SKIL: variants seen among roughly 807,000 people sequenced by gnomAD.
SKIL encodes ski-like protein.
Under a neutral mutation model 69.6 loss-of-function variants are expected in SKIL, and 20 were observed. The ratio of observed to expected loss-of-function variants is 0.29; its 90% CI spans 0.20 to 0.42. SKIL has a LOEUF of 0.42. Among genes scored for constraint, SKIL ranks in the 10% least tolerant of loss-of-function variants. The probability of loss-of-function intolerance (pLI) is 1.00; values close to 1 mark genes in which losing one functional copy is unlikely to be tolerated. For missense variants in SKIL, 745 were observed against 783.1 expected (o/e 0.95, Z 0.58); for synonymous variants, 310 against 279.9 (o/e 1.11, Z -1.08).
Position 170,367,463 on chromosome 3 carries a change from CTT to C in SKIL, c.1098+6048_1098+6049del, listed in dbSNP as rs34321865. ...TACTAAGTTAAGAACTATATATACC[CTT>C]TTTTTTTTTTTTTAAATTGAGATGG... On this transcript the variant is annotated intron_variant, in intron 2 of 6. Transcript: ENST00000259119. Among the ~76,000 whole-genome samples the C allele has an allele frequency of 2.8e-4, 19 of 68,598 alleles. 1 individual carries two copies. Among genetic ancestry groups the C allele is most frequent in the Admixed American group, 9.4e-4 (5 of 5,312 alleles). The allele number at this position is 68,598 out of a possible 152,430, so 45.0% of individuals were successfully genotyped here.
At chr3:170,390,751 AT>A (rs1236253911) in intron 5 of SKIL, among the ~76,000 whole-genome samples, 1 of 152,232 alleles carries the variant, frequency 6.6e-6, no homozygotes, top group African/African-American at 2.4e-5. Context: ...AAGTGCTGGG[AT>A]TACAGGTGTG....
At chr3:170,385,958 A>G (rs1737608094) in intron 4 of SKIL, among the ~76,000 whole-genome samples, 1 of 151,116 alleles carries the variant, frequency 6.6e-6, no homozygotes. Context: ...ACACCCCGCT[A>G]ATTTTGTATT....
At chr3:170,378,372 A>C (rs1354110718) in intron 2 of SKIL, among the ~76,000 whole-genome samples, 1 of 152,176 alleles carries the variant, frequency 6.6e-6, no homozygotes, top group Non-Finnish European at 1.5e-5. Context: ...GATCTCAGTA[A>C]TCAAACCAGA....
intron 2 of SKIL, among the ~76,000 whole-genome samples, chr3:170,365,257 A>C (rs1405309481): frequency 6.6e-6 from 1 of 152,158 alleles, no homozygotes; most frequent in East Asian, 1.9e-4. Context: ...AAGTTTAGTA[A>C]TTTTTCACTA....
intron 4 of SKIL, among the ~76,000 whole-genome samples, chr3:170,388,391 G>T (rs962934731): frequency 1.3e-5 from 2 of 151,918 alleles, no homozygotes; most frequent in Admixed American, 6.6e-5. Context: ...ATATATTCTG[G>T]ATACTGGATC....
At chr3:170,383,304 T>C (rs1737455920) in intron 3 of SKIL, among the ~76,000 whole-genome samples, 1 of 152,204 alleles carries the variant, frequency 6.6e-6, no homozygotes, top group African/African-American at 2.4e-5. Flanking sequence ...TTTCTTGTCC[T>C]GTCAGAAAAC....
chr3:170,369,756 G>GC (rs1042714710), intron 2 of SKIL, among the ~76,000 whole-genome samples: 2 of 152,132 alleles, frequency 1.3e-5, no homozygotes, highest in African/African-American at 4.8e-5. Flanking sequence ...TGATTGTCGA[G>GC]CTAGAATTCA....
At chr3:170,381,938 C>T (rs1307037475) in intron 3 of SKIL, among the ~76,000 whole-genome samples, 4 of 151,636 alleles carry the variant, frequency 2.6e-5, no homozygotes, top group Non-Finnish European at 4.4e-5. Flanking sequence ...AAAAATTAGC[C>T]GGGCCTGGTG....
chr3:170,360,267 T>C lies in SKIL; in HGVS notation c.-65T>C. The C allele has an allele frequency of 6.9e-7, 1 of 1,443,516 alleles. No individual in the cohort carries two copies. The highest frequency in any genetic ancestry group is 1.4e-5 in the South Asian group (1 of 70,030). The allele number at this position is 1,443,516 out of a possible 1,614,324, so 89.4% of individuals were successfully genotyped here. A position where few individuals can be genotyped will look rare whatever the true frequency, so the allele number is the denominator to read the frequency against. On this transcript the variant is annotated 5_prime_UTR_variant, in exon 2 of 7. Transcript: ENST00000259119. ...TTGTATCCATTCATTACTTTCCTCT[T>C]TTCAAATAAGCAACTAAATAGAAAT...
At chr3:170,385,896 G>C (rs1179581560) in intron 4 of SKIL, among the ~76,000 whole-genome samples, 16 of 151,124 alleles carry the variant, frequency 1.1e-4, no homozygotes. Flanking sequence ...CCACCTCCCA[G>C]ATTCTCCTGC....
chr3:170,383,414 C>G (rs1385261246), intron 3 of SKIL, among the ~76,000 whole-genome samples: 1 of 152,148 alleles, frequency 6.6e-6, no homozygotes, highest in Non-Finnish European at 1.5e-5. Flanking sequence ...GTCTGGAGTT[C>G]AGGGGATAGA....
intron 6 of SKIL, among the ~76,000 whole-genome samples, chr3:170,391,674 A>G (rs1019653373): frequency 3.9e-5 from 6 of 152,186 alleles, no homozygotes; most frequent in Admixed American, 3.9e-4. Flanking sequence ...TTACTAAGCT[A>G]GATTTCAAAA....
intron 2 of SKIL, among the ~76,000 whole-genome samples, chr3:170,365,479 G>C (rs1736454487): frequency 6.6e-6 from 1 of 152,142 alleles, no homozygotes; most frequent in Non-Finnish European, 1.5e-5. Flanking sequence ...ATGCTCAACT[G>C]CCATATCGTG....
rs755605518 is a variant in SKIL at position 170,381,290 on chromosome 3, T to C, written c.1145T>C (p.Ile382Thr). 11 of 1,602,424 alleles carry C rather than the reference T, an allele frequency of 6.9e-6. No individual in the cohort carries two copies. Among genetic ancestry groups the C allele is most frequent in the Non-Finnish European group, 8.6e-6 (10 of 1,169,354 alleles). ...GMELQSWYPVIKQEGDHVSQT... is the reference protein window; with the variant it reads ...GMELQSWYPVTKQEGDHVSQT... Reference sequence around the variant, plus strand: ...GAATTACAGTCATGGTATCCTGTTATAAAGCAGGAAGGTGACCATGTTTCT... The same window carrying C: ...GAATTACAGTCATGGTATCCTGTTACAAAGCAGGAAGGTGACCATGTTTCT... The change falls in exon 3 of 7, where the codon ATA (isoleucine) becomes ACA (threonine). Residue 382 changes from isoleucine (I) to threonine (T), a missense_variant. Physicochemically the swap from Ile to Thr is moderately conservative, Grantham distance 89. Transcript: ENST00000259119.
chr3:170,372,067 T>A lies in SKIL; in HGVS notation c.1099-9177T>A, dbSNP rs189796801. On this transcript the variant is annotated intron_variant, in intron 2 of 6. Transcript: ENST00000259119. ...AAAATTTTTGACAAATAGTGGAAAATAATGTGTATGACACTGAGATTTCCA... is the reference window on the plus strand; with the variant it reads ...AAAATTTTTGACAAATAGTGGAAAAAAATGTGTATGACACTGAGATTTCCA... Among the ~76,000 whole-genome samples, 24 of 152,310 alleles carry A rather than the reference T, an allele frequency of 1.6e-4. 1 individual carries two copies. Among genetic ancestry groups the A allele is most frequent in the Admixed American group, 1.6e-3 (24 of 15,294 alleles).
rs1462092364 is a variant in SKIL at position 170,387,196 on chromosome 3, T to G, written c.1429+2431T>G. 1.3e-5 allele frequency among the ~76,000 whole-genome samples: 2 copies of G among 152,050 alleles called. 1 individual carries two copies. Among genetic ancestry groups the G allele is most frequent in the South Asian group, 4.2e-4 (2 of 4,808 alleles). On this transcript the variant is annotated intron_variant, in intron 4 of 6. Coordinates refer to ENST00000259119, the MANE Select transcript of SKIL (RefSeq NM_005414.5). ...CCACGCCTGGCTAATTTTTTTGTAT[T>G]ATTAGTAAGAGACAGGGTTTTCGCC...
chr3:170,374,656 G>T (rs1258224495), intron 2 of SKIL, among the ~76,000 whole-genome samples: 1 of 152,034 alleles, frequency 6.6e-6, no homozygotes, highest in Non-Finnish European at 1.5e-5. Context: ...AGAAAATCTG[G>T]CATGCCTCTG....
chr3:170,376,709 G>A (rs1737051517), intron 2 of SKIL, among the ~76,000 whole-genome samples: 1 of 152,026 alleles, frequency 6.6e-6, no homozygotes, highest in South Asian at 2.1e-4. Context: ...CCAAGTAGCT[G>A]GGACTACAGG....
In SKIL at chr3:170,360,961, A is replaced by T; in HGVS notation, c.630A>T (p.Ile210=). 1 of 1,614,142 alleles carries T rather than the reference A, an allele frequency of 6.2e-7. No individual in the cohort carries two copies. Among genetic ancestry groups the T allele is most frequent in the African/African-American group, 1.3e-5 (1 of 75,058 alleles). ...TTCATATCTTAAAGGTACTGGGCAT[A>T]CTTCCATTCAATGCCCCATCCTGTG... ...DQLHILKVLG[I]LPFNAPSCGL... The change falls in exon 2 of 7, where the codon ATA becomes ATT. Residue 210 remains isoleucine (I), a synonymous_variant. Coordinates refer to ENST00000259119, the MANE Select transcript of SKIL (RefSeq NM_005414.5).
Sources: allele counts gnomAD v4.1 joint callset (sites outside exome capture counted in the v4.1 genomes callset), GRCh38; gene constraint gnomAD v4.1.1; transcripts MANE v1.5; gene names NCBI Gene and HGNC (gene_info 2026-07-23, HGNC 2026-07-21).